Variants in EZH2 observed in about 807,000 individuals in gnomAD.
EZH2 encodes the protein histone-lysine N-methyltransferase EZH2.
A neutral mutation model predicts 98.4 loss-of-function variants in EZH2; 18 were observed. That is an observed-to-expected ratio of 0.18 (90% CI 0.13 to 0.27). The LOEUF is 0.27. EZH2 is among the 10% of genes least tolerant of loss of function. EZH2 has a pLI of 1.00. For synonymous variants in EZH2, 338 were observed against 312.3 expected (o/e 1.08, Z -0.87); for missense variants, 470 against 935.1 (o/e 0.50, Z 6.49).
intron 3 of EZH2, among the ~76,000 whole-genome samples, chr7:148,834,345 A>ATG (rs1810265635): frequency 1.3e-5 from 1 of 77,048 alleles, no homozygotes; most frequent in Middle Eastern, 6.0e-3. Context: ...CATTATATAT[A>ATG]TATATATACA....
intron 9 of EZH2, among the ~76,000 whole-genome samples, chr7:148,818,731 G>A (rs1007485537): frequency 6.6e-6 from 1 of 152,060 alleles, no homozygotes; most frequent in African/African-American, 2.4e-5. Flanking sequence ...GACTGTGAGG[G>A]TTACATCTTG....
chr7:148,819,343 C>A lies in EZH2; in HGVS notation c.999+253G>T, dbSNP rs1018650352. ...TAGACTTTGTGGAAGGCATAAAAGT[C>A]CTTGATCCTAAAGACCTTGAAATGT... On this transcript the variant is annotated intron_variant, in intron 9 of 19. Transcript: ENST00000320356. Among the ~76,000 whole-genome samples the A allele has an allele frequency of 3.9e-5, 6 of 152,126 alleles. No individual in the cohort carries two copies. The South Asian group carries it at 1.2e-3, about 32-fold the overall frequency.
chr7:148,867,586 C>A (rs1328502287), intron 1 of EZH2, among the ~76,000 whole-genome samples: 1 of 152,178 alleles, frequency 6.6e-6, no homozygotes, highest in Non-Finnish European at 1.5e-5. Flanking sequence ...CAGATTAATA[C>A]CAAGGCTTTT....
At position 148,869,585 on chromosome 7, in the gene EZH2, A is replaced by C. The variant is rs543419430; in HGVS notation, c.-8+14579T>G. On this transcript the variant is annotated intron_variant, in intron 1 of 19. Transcript: ENST00000320356. ...ACTCCTGGGCTCAAGCAATCCTCCC[A>C]CCTCAGCCGCTCAAAGTGCTGGGAT... 1.1e-4 allele frequency among the ~76,000 whole-genome samples: 16 copies of C among 151,848 alleles called. No homozygotes were observed. The East Asian group carries it at 2.7e-3, about 26-fold the overall frequency.
chr7:148,860,457 A>G (rs1020914426), intron 1 of EZH2, among the ~76,000 whole-genome samples: 1 of 152,210 alleles, frequency 6.6e-6, no homozygotes, highest in African/African-American at 2.4e-5. Flanking sequence ...AGCCACTGCT[A>G]CAACAGAGAA....
chr7:148,879,787 A>G (rs1240640428), intron 1 of EZH2, among the ~76,000 whole-genome samples: 1 of 151,830 alleles, frequency 6.6e-6, no homozygotes, highest in Non-Finnish European at 1.5e-5. Context: ...CACAAGAATC[A>G]CTTTCGAGAC....
At chr7:148,879,877 G>A (rs1820719949) in intron 1 of EZH2, among the ~76,000 whole-genome samples, 1 of 151,458 alleles carries the variant, frequency 6.6e-6, no homozygotes, top group African/African-American at 2.4e-5. Context: ...GGCCAAGGCA[G>A]GAGGATTGCC....
At chr7:148,864,700 G>A (rs1378405887) in intron 1 of EZH2, among the ~76,000 whole-genome samples, 29 of 137,374 alleles carry the variant, frequency 2.1e-4, no homozygotes, top group Admixed American at 3.6e-4. Flanking sequence ...AAAAAAAAAA[G>A]GAAAAAAAGA....
intron 3 of EZH2, among the ~76,000 whole-genome samples, chr7:148,835,423 CA>C (rs545080861): frequency 0.019 from 1,362 of 71,410 alleles, 23 homozygotes; most frequent in African/African-American, 0.054. Context: ...GACCCCGCCT[CA>C]AAAAAAAAAA....
chr7:148,875,370 C>G (rs1820031234), intron 1 of EZH2, among the ~76,000 whole-genome samples: 1 of 152,160 alleles, frequency 6.6e-6, no homozygotes, highest in Non-Finnish European at 1.5e-5. Flanking sequence ...CACAATCTGA[C>G]AGATAATGTG....
rs78140151 is a variant in EZH2, at chr7:148,810,229, T to C, written c.2029+104A>G. ...CCCATGCCTCTAAGGAGATCCTCCT[T>C]CTGGTCACCTCACTGACCTCTACCC... On this transcript the variant is annotated intron_variant, in intron 17 of 19. Transcript: ENST00000320356. 851 of 757,524 alleles carry C rather than the reference T, an allele frequency of 1.1e-3. 7 individuals carry two copies. In the African/African-American group the frequency reaches 0.012, roughly 11 times the overall value. 46.9% of individuals were successfully genotyped at this position (757,524 alleles called of 1,614,324 possible).
At chr7:148,841,982 TAA>T (rs1486084378) in intron 3 of EZH2, among the ~76,000 whole-genome samples, 2 of 152,172 alleles carry the variant, frequency 1.3e-5, no homozygotes, top group Non-Finnish European at 2.9e-5. Context: ...TGTAAATATT[TAA>T]AAGTCCAAAA....
intron 4 of EZH2, among the ~76,000 whole-genome samples, chr7:148,831,091 A>G (rs2129477542): frequency 1.3e-5 from 2 of 152,322 alleles, no homozygotes; most frequent in Middle Eastern, 6.8e-3. Context: ...AGGTAAGAAC[A>G]CGCTGGGAAA....
chr7:148,863,806 G>A (rs955792213), intron 1 of EZH2, among the ~76,000 whole-genome samples: 1 of 152,308 alleles, frequency 6.6e-6, no homozygotes, highest in African/African-American at 2.4e-5. Context: ...GAACAAAGAG[G>A]TATTATCAAG....
chr7:148,862,305 A>G (rs976069721), intron 1 of EZH2, among the ~76,000 whole-genome samples: 2 of 152,226 alleles, frequency 1.3e-5, no homozygotes, highest in African/African-American at 4.8e-5. Context: ...GTACTGGTCC[A>G]CTGAGTTACG....
chr7:148,837,127 C>T, intron 3 of EZH2: 1 of 373,540 alleles, frequency 2.7e-6, no homozygotes. Context: ...CCCCATTTTA[C>T]AGTGGACATC....
chr7:148,832,712 G>A lies in EZH2; in HGVS notation c.285C>T (p.Val95=), dbSNP rs771848373. 3.7e-6 allele frequency: 6 copies of A among 1,609,094 alleles called. No individual in the cohort carries two copies. The highest frequency in any genetic ancestry group is 1.3e-5 in the African/African-American group (1 of 74,806). The part of the protein sequence containing the change: ...VTSDLDFPTQ[V]IPLKTLNAVA... ...CTGCATTCAGAGTCTTTAATGGGAT[G>A]ACTTGTGTTGGAAAATCCAAGTCAC... The change falls in exon 4 of 20, where the codon GTC becomes GTT. Residue 95 remains valine, a synonymous_variant. Coordinates refer to ENST00000320356, the MANE Select transcript of EZH2 (RefSeq NM_004456.5).
intron 5 of EZH2, 122 bp downstream of exon 5, chr7:148,829,606 A>T (rs1458184281): frequency 1.9e-6 from 2 of 1,077,530 alleles, no homozygotes; most frequent in Non-Finnish European, 2.6e-6. Flanking sequence ...TCAGTCCCTT[A>T]TAGTTCAGTG....
intron 13 of EZH2, 81 bp from the exon 14 acceptor site, chr7:148,815,120 T>G: frequency 6.6e-7 from 1 of 1,515,408 alleles, no homozygotes; most frequent in African/African-American, 1.4e-5. Flanking sequence ...AGTACATTCT[T>G]CCCTACTACC....
Sources: gnomAD v4.1 joint callset for allele counts (sites outside exome capture counted in the v4.1 genomes callset) on GRCh38, gnomAD v4.1.1 for gene constraint, MANE v1.5 for transcripts, NCBI Gene and HGNC (gene_info 2026-07-23, HGNC 2026-07-21) for gene names.